ARHGAP26: variants seen among roughly 807,000 people sequenced by gnomAD.
The protein encoded by ARHGAP26 is Rho GTPase activating protein 26, also known as rho GTPase-activating protein 26.
Under a neutral mutation model 104.8 loss-of-function variants are expected in ARHGAP26, and 38 were observed. The ratio of observed to expected loss-of-function variants is 0.36; its 90% CI spans 0.28 to 0.48. The LOEUF is 0.48. ARHGAP26 is among the 20% of genes least tolerant of loss of function. The pLI, the probability that ARHGAP26 is intolerant of heterozygous loss-of-function variation, is 0.99. For missense variants in ARHGAP26, 704 were observed against 947.9 expected (o/e 0.74, Z 3.38); for synonymous variants, 341 against 340.0 (o/e 1.00, Z -0.03).
intron 11 of ARHGAP26, among the ~76,000 whole-genome samples, chr5:142,991,245 C>T (rs151974): frequency 0.22 from 33,761 of 152,192 alleles, 4,098 homozygotes; most frequent in East Asian, 0.47. Flanking sequence ...GCTCCGTGGG[C>T]GTGGGACCCT....
intron 11 of ARHGAP26, among the ~76,000 whole-genome samples, chr5:142,974,848 CGT>C (rs1772830435): frequency 6.6e-6 from 1 of 152,132 alleles, no homozygotes; most frequent in African/African-American, 2.4e-5. Context: ...TCCCTCAGGC[CGT>C]GTTATTTTCA....
intron 1 of ARHGAP26, among the ~76,000 whole-genome samples, chr5:142,794,770 G>A (rs1295958405): frequency 2.0e-5 from 3 of 152,180 alleles, no homozygotes; most frequent in Non-Finnish European, 4.4e-5. Flanking sequence ...GAACTATTAA[G>A]TAATGCCACA....
At chr5:143,017,520 C>T (rs76083598) in intron 12 of ARHGAP26, among the ~76,000 whole-genome samples, 3,743 of 152,262 alleles carry the variant, frequency 0.025, 64 homozygotes, top group Middle Eastern at 0.054. Flanking sequence ...TTCATTCTTT[C>T]GTTTCATTTT....
intron 14 of ARHGAP26, among the ~76,000 whole-genome samples, chr5:143,049,280 T>G (rs1359639927): frequency 6.6e-6 from 1 of 152,234 alleles, no homozygotes; most frequent in Non-Finnish European, 1.5e-5. Context: ...ATTCTCAAAC[T>G]TGTCCTCCAT....
Position 142,778,530 on chromosome 5 carries a change from T to C in ARHGAP26, c.154+7615T>C, listed in dbSNP as rs181329352. On this transcript the variant is annotated intron_variant, in intron 1 of 22. Transcript: ENST00000645722. ...GATCATTTGTCTTGAAGACCTTCCA[T>C]GTCAGTACATGCATGTAGTGCATTC... Among the ~76,000 whole-genome samples, 10 of 152,370 alleles carry C rather than the reference T, an allele frequency of 6.6e-5. No individual in the cohort carries two copies. The East Asian group carries it at 1.9e-3, about 29-fold the overall frequency.
chr5:143,080,503 A>G (rs199618424), intron 17 of ARHGAP26, among the ~76,000 whole-genome samples: 29 of 152,306 alleles, frequency 1.9e-4, no homozygotes, highest in East Asian at 1.2e-3. Context: ...CATGACCTGA[A>G]TGAAGTGAGA....
At chr5:143,090,510 G>T (rs1791255838) in intron 17 of ARHGAP26, among the ~76,000 whole-genome samples, 1 of 152,220 alleles carries the variant, frequency 6.6e-6, no homozygotes, top group Admixed American at 6.5e-5. Context: ...AGTTTTGGAA[G>T]AAGGCTTAGA....
chr5:142,887,632 G>A (rs528235561), intron 5 of ARHGAP26, among the ~76,000 whole-genome samples: 1 of 152,112 alleles, frequency 6.6e-6, no homozygotes, highest in South Asian at 2.1e-4. Flanking sequence ...TAAGTACTTT[G>A]AGTGTAAGGA....
At position 143,147,355 on chromosome 5, in the gene ARHGAP26, G is replaced by T; in HGVS notation, c.1962G>T (p.Val654=). The T allele has an allele frequency of 6.2e-7, 1 of 1,613,866 alleles. No homozygotes were observed. Among genetic ancestry groups the T allele is most frequent in the Non-Finnish European group, 8.5e-7 (1 of 1,179,908 alleles). The change falls in exon 20 of 23, where the codon GTG becomes GTT. Residue 654 remains valine, a synonymous_variant. Coordinates refer to ENST00000645722, the MANE Select transcript of ARHGAP26 (RefSeq NM_001135608.3). ...NMNSSDPDLA[V]VKPTRPNSLP... is the part of the protein sequence containing the mutation. Reference sequence around the variant, plus strand: ...ACTCCAGTGACCCAGACCTGGCTGTGGTCAAACCCACCCGGCCCAACTCAC... The same window carrying T: ...ACTCCAGTGACCCAGACCTGGCTGTTGTCAAACCCACCCGGCCCAACTCAC...
intron 20 of ARHGAP26, among the ~76,000 whole-genome samples, chr5:143,185,654 G>T (rs565070797): frequency 2.0e-5 from 3 of 152,308 alleles, no homozygotes; most frequent in Admixed American, 6.5e-5. Context: ...GGTTCAGCAA[G>T]TATCAATCCT....
At chr5:143,123,505 C>G (rs140588319) in intron 18 of ARHGAP26, among the ~76,000 whole-genome samples, 1 of 152,318 alleles carries the variant, frequency 6.6e-6, no homozygotes, top group Non-Finnish European at 1.5e-5. Context: ...ACCATCAAAT[C>G]CAGAGCAATT....
Position 143,057,623 on chromosome 5 carries a change from C to T in ARHGAP26, c.1433-19C>T, listed in dbSNP as rs377509479. The T allele has an allele frequency of 5.0e-6, 8 of 1,603,356 alleles. No individual in the cohort carries two copies. Among genetic ancestry groups the T allele is most frequent in the Non-Finnish European group, 6.8e-6 (8 of 1,171,520 alleles). On this transcript the variant is annotated intron_variant, in intron 16 of 22. Coordinates refer to ENST00000645722, the MANE Select transcript of ARHGAP26 (RefSeq NM_001135608.3). ...AGCTGTGACACTGATAAGATATTAC[C>T]TCCCTCCTTCCTTTGCAGAACTGGA...
chr5:143,107,312 G>A (rs1010307733), intron 17 of ARHGAP26, among the ~76,000 whole-genome samples: 2 of 152,130 alleles, frequency 1.3e-5, no homozygotes, highest in Non-Finnish European at 2.9e-5. Flanking sequence ...GTTTAGATTT[G>A]CTCAAGGATC....
chr5:143,075,090 C>A (rs115446993), intron 17 of ARHGAP26, among the ~76,000 whole-genome samples: 415 of 152,304 alleles, frequency 2.7e-3, no homozygotes, highest in Middle Eastern at 0.01. Context: ...CCTAAAGCTG[C>A]ATGTTTTCTG....
At chr5:143,099,974 A>G (rs1258453330) in intron 17 of ARHGAP26, among the ~76,000 whole-genome samples, 1 of 152,268 alleles carries the variant, frequency 6.6e-6, no homozygotes, top group Non-Finnish European at 1.5e-5. Flanking sequence ...ATATCAGACT[A>G]ACCAAAGTAG....
At chr5:142,956,922 C>T (rs950704302) in intron 11 of ARHGAP26, among the ~76,000 whole-genome samples, 6 of 152,092 alleles carry the variant, frequency 3.9e-5, no homozygotes, top group Non-Finnish European at 7.4e-5. Flanking sequence ...TGGGAAATAC[C>T]GGCCCTCGTG....
intron 21 of ARHGAP26, among the ~76,000 whole-genome samples, chr5:143,208,805 A>T (rs192331259): frequency 1.6e-3 from 248 of 152,146 alleles, no homozygotes; most frequent in Non-Finnish European, 2.3e-3. Context: ...TGGGAAGGAG[A>T]TTTTCAGTAA....
intron 14 of ARHGAP26, among the ~76,000 whole-genome samples, chr5:143,049,000 ACT>A (rs945734293): frequency 6.6e-6 from 1 of 151,912 alleles, no homozygotes; most frequent in Non-Finnish European, 1.5e-5. Flanking sequence ...CAAAGTGGAA[ACT>A]CTTCTTTTTC....
chr5:143,071,834 G>C (rs185832685), intron 17 of ARHGAP26, among the ~76,000 whole-genome samples: 4 of 152,172 alleles, frequency 2.6e-5, no homozygotes, highest in East Asian at 3.8e-4. Flanking sequence ...GAACCAGGGA[G>C]GGGGAGGTTG....
Sources: gnomAD v4.1 joint callset for allele counts (sites outside exome capture counted in the v4.1 genomes callset) on GRCh38, gnomAD v4.1.1 for gene constraint, MANE v1.5 for transcripts, NCBI Gene and HGNC (gene_info 2026-07-23, HGNC 2026-07-21) for gene names.